Variants in TMED10 observed in about 807,000 individuals in gnomAD.
The protein encoded by TMED10 is transmembrane p24 trafficking protein 10.
In TMED10, 7 loss-of-function variants were observed where a neutral mutation model predicts 23.1. The observed-to-expected ratio is 0.30, with a 90% CI of 0.17 to 0.57. The LOEUF is 0.57. Among genes scored for constraint, TMED10 ranks in the 20% least tolerant of loss-of-function variants. The pLI, the probability that TMED10 is intolerant of heterozygous loss-of-function variation, is 0.91. For missense variants in TMED10, 162 were observed against 274.8 expected (o/e 0.59, Z 2.90); for synonymous variants, 113 against 106.9 (o/e 1.06, Z -0.35).
chr14:75,134,922 A>ATTCATTACTCAATCAATTTCTT lies in TMED10; in HGVS notation c.622_623insAAGAAATTGATTGAGTAATGAA (p.Leu208GlnfsTer5). ...TTTCTTGGCCTTGAAGAAGCGTCGCAGGTAGAAGACCTGCCAGGTAGCTAG... is the reference window on the plus strand; with the variant it reads ...TTTCTTGGCCTTGAAGAAGCGTCGCATTCATTACTCAATCAATTTCTTGGTAGAAGACCTGCCAGGTAGCTAG... On this transcript the variant is annotated stop_gained and frameshift_variant, in exon 5 of 5. Coordinates refer to ENST00000303575, the MANE Select transcript of TMED10 (RefSeq NM_006827.6). LOFTEE classifies it high-confidence loss of function. The ATTCATTACTCAATCAATTTCTT allele has an allele frequency of 6.2e-7, 1 of 1,614,064 alleles. No individual in the cohort carries two copies. The highest frequency in any genetic ancestry group is 8.5e-7 in the Non-Finnish European group (1 of 1,179,950).
intron 1 of TMED10, among the ~76,000 whole-genome samples, chr14:75,165,050 C>T (rs550916134): frequency 6.2e-4 from 94 of 151,908 alleles, no homozygotes; most frequent in Non-Finnish European, 1.2e-3. Flanking sequence ...TTAGATATGG[C>T]GGAAAGAGAG....
At position 75,135,506 on chromosome 14, in the gene TMED10, ATTGGTGCTATCAG is replaced by A. The variant is rs559069420; in HGVS notation, c.538+241_538+253del. 8.3e-3 allele frequency among the ~76,000 whole-genome samples: 1,260 copies of A among 152,304 alleles called. 12 individuals carry two copies. The highest frequency in any genetic ancestry group is 0.012 in the Non-Finnish European group (836 of 68,010). On this transcript the variant is annotated intron_variant, in intron 4 of 4. Transcript: ENST00000303575. ...TATATAAATGTTGAAAATTACAAAG[ATTGGTGCTATCAG>A]TTTGATGTGGGTATAGACTAATTGA...
intron 2 of TMED10, 145 bp downstream of exon 2, chr14:75,151,887 T>C (rs1329510127): frequency 3.0e-6 from 2 of 671,662 alleles, no homozygotes; most frequent in Non-Finnish European, 4.8e-6. Flanking sequence ...TTTTAAAAGG[T>C]GCTCCAAAGA....
At chr14:75,144,637 T>C (rs1293814628) in intron 3 of TMED10, among the ~76,000 whole-genome samples, 1 of 152,192 alleles carries the variant, frequency 6.6e-6, no homozygotes, top group Admixed American at 6.5e-5. Flanking sequence ...AGAGATGTGT[T>C]GGACATGAAA....
chr14:75,142,191 T>C (rs1370457215), intron 3 of TMED10, among the ~76,000 whole-genome samples: 1 of 152,196 alleles, frequency 6.6e-6, no homozygotes, highest in East Asian at 1.9e-4. Flanking sequence ...CCACAGGTTC[T>C]CCAATAGGGG....
intron 3 of TMED10, among the ~76,000 whole-genome samples, chr14:75,143,184 G>A (rs962058652): frequency 2.0e-5 from 3 of 151,988 alleles, no homozygotes; most frequent in Non-Finnish European, 2.9e-5. Context: ...GAGGCCCGCC[G>A]CCTAGGAGAA....
At chr14:75,150,333 G>C (rs909406469) in intron 2 of TMED10, among the ~76,000 whole-genome samples, 3 of 152,154 alleles carry the variant, frequency 2.0e-5, no homozygotes, top group African/African-American at 7.2e-5. Flanking sequence ...ATTGTCCATG[G>C]AAGATGTACT....
intron 2 of TMED10, among the ~76,000 whole-genome samples, chr14:75,148,516 TC>T (rs1200520254): frequency 6.6e-6 from 1 of 151,624 alleles, no homozygotes; most frequent in Non-Finnish European, 1.5e-5. Flanking sequence ...TAATCTTAAA[TC>T]ATCAAGTAGG....
At chr14:75,142,117 TTCTACTCTCCTTCATCACTGG>T (rs1487347701) in intron 3 of TMED10, among the ~76,000 whole-genome samples, 3 of 152,204 alleles carry the variant, frequency 2.0e-5, no homozygotes, top group African/African-American at 7.2e-5. Context: ...TGGTATTCTA[TTCTACTCTCCTTCATCACTGG>T]AAGCATGAGG....
chr14:75,148,930 G>A lies in TMED10; in HGVS notation c.338-1193C>T, dbSNP rs560748950. ...TTTATTTAATTAAAAAAAATTTTTT[G>A]AGACAGGTTCTTACTCTTGTCTTCC... On this transcript the variant is annotated intron_variant, in intron 2 of 4. Transcript: ENST00000303575. 3.3e-5 allele frequency among the ~76,000 whole-genome samples: 5 copies of A among 152,236 alleles called. No individual in the cohort carries two copies. The South Asian group carries it at 1.0e-3, about 32-fold the overall frequency.
rs368412262 is a variant in TMED10, at chr14:75,164,532, AATATATATATATATATATATAT to A, written c.225+11801_225+11822del. On this transcript the variant is annotated intron_variant, in intron 1 of 4. Transcript: ENST00000303575. ...AGGCGTGAGCCACTGCACCTGGCCT[AATATATATATATATATATATAT>A]ATATATATATATATATATATATATT... Among the ~76,000 whole-genome samples the A allele has an allele frequency of 1.2e-3, 66 of 54,438 alleles. 2 individuals are homozygous for A. Among genetic ancestry groups the A allele is most frequent in the South Asian group, 5.6e-3 (8 of 1,422 alleles). The allele number at this position is 54,438 out of a possible 152,430, so 35.7% of individuals were successfully genotyped here.
intron 2 of TMED10, 105 bp downstream of exon 2, chr14:75,151,927 T>TA: frequency 9.9e-7 from 1 of 1,013,340 alleles, no homozygotes; most frequent in East Asian, 2.7e-5. Context: ...CAAATCAGAA[T>TA]AAATAAAGAA....
At chr14:75,151,888 G>T in intron 2 of TMED10, 144 bp downstream of exon 2, 2 of 679,576 alleles carry the variant, frequency 2.9e-6, no homozygotes, top group South Asian at 4.6e-5. Context: ...TTTAAAAGGT[G>T]CTCCAAAGAC....
intron 1 of TMED10, among the ~76,000 whole-genome samples, chr14:75,171,721 A>C (rs1896236437): frequency 6.6e-6 from 1 of 152,262 alleles, no homozygotes. Flanking sequence ...CCCTGATTTT[A>C]GGACTTCTGA....
At chr14:75,159,678 A>T (rs1345895149) in intron 1 of TMED10, among the ~76,000 whole-genome samples, 2 of 152,246 alleles carry the variant, frequency 1.3e-5, no homozygotes, top group African/African-American at 4.8e-5. Context: ...TTCTTAAGTC[A>T]TTGCTAAAAG....
intron 3 of TMED10, among the ~76,000 whole-genome samples, chr14:75,140,757 AAAC>A (rs1895812011): frequency 2.0e-5 from 3 of 152,122 alleles, no homozygotes; most frequent in Admixed American, 2.0e-4. Flanking sequence ...TTAAAACAAA[AAAC>A]AAAAAACCTT....
At chr14:75,147,792 T>TACTC in intron 2 of TMED10, 55 bp from the exon 3 acceptor site, 1 of 1,506,926 alleles carries the variant, frequency 6.6e-7, no homozygotes, top group Admixed American at 1.9e-5. Context: ...TCTGGGAAAT[T>TACTC]ACCCACCCAC....
chr14:75,172,775 G>A (rs1896250406), intron 1 of TMED10, among the ~76,000 whole-genome samples: 1 of 152,206 alleles, frequency 6.6e-6, no homozygotes, highest in Non-Finnish European at 1.5e-5. Flanking sequence ...TGACACGTGT[G>A]GAAAGATCCT....
Position 75,176,418 on chromosome 14 carries a change from C to T in TMED10, c.162G>A (p.Val54=). ...GGTCGGAGATCTCGTACGCGCCAGT[C>T]ACTAGCAGGTCCTTGTGAATCTCCT... The part of the protein sequence containing the change: ...LREEIHKDLL[V]TGAYEISDQS... The change falls in exon 1 of 5, where the codon GTG becomes GTA. Residue 54 remains valine (V), a synonymous_variant. Coordinates refer to ENST00000303575, the MANE Select transcript of TMED10 (RefSeq NM_006827.6). 1 of 1,614,256 alleles carries T rather than the reference C, an allele frequency of 6.2e-7. No individual in the cohort carries two copies. The highest frequency in any genetic ancestry group is 8.5e-7 in the Non-Finnish European group (1 of 1,180,050).
Sources: allele counts gnomAD v4.1 joint callset (sites outside exome capture counted in the v4.1 genomes callset), GRCh38; gene constraint gnomAD v4.1.1; transcripts MANE v1.5; gene names NCBI Gene and HGNC (gene_info 2026-07-23, HGNC 2026-07-21).